The following OLA1 variants were observed in gnomAD, a reference collection of about 807,000 sequenced individuals.
OLA1 encodes the protein Obg like ATPase 1, also known as obg-like ATPase 1.
Under a neutral mutation model 48.4 loss-of-function variants are expected in OLA1, and 14 were observed. The observed-to-expected ratio is 0.29, with a 90% CI of 0.19 to 0.45. The LOEUF is 0.45. Among genes scored for constraint, OLA1 ranks in the 20% least tolerant of loss-of-function variants. The pLI is 1.00. For synonymous variants in OLA1, 127 were observed against 150.4 expected (o/e 0.84, Z 1.14); for missense variants, 325 against 467.1 (o/e 0.70, Z 2.80).
chr2:174,169,713 T>A (rs1200384058), intron 4 of OLA1, among the ~76,000 whole-genome samples: 1 of 152,148 alleles, frequency 6.6e-6, no homozygotes, highest in Non-Finnish European at 1.5e-5. Context: ...AACCTCAGAT[T>A]CTCAGAAAGA....
At chr2:174,109,324 T>C (rs538442799) in intron 7 of OLA1, among the ~76,000 whole-genome samples, 1 of 152,190 alleles carries the variant, frequency 6.6e-6, no homozygotes, top group Non-Finnish European at 1.5e-5. Context: ...ATGCAAAATG[T>C]CCAAGATATA....
intron 2 of OLA1, among the ~76,000 whole-genome samples, chr2:174,231,257 G>T (rs1197851221): frequency 2.0e-5 from 3 of 152,168 alleles, no homozygotes; most frequent in Non-Finnish European, 4.4e-5. Context: ...AAAATGTAAT[G>T]AAAATATTGT....
In OLA1 at chr2:174,083,952, A is replaced by C. The variant is rs144213960; in HGVS notation, c.729-1888T>G. Among the ~76,000 whole-genome samples the C allele has an allele frequency of 6.4e-4, 98 of 152,344 alleles. 1 individual carries two copies. In the East Asian group the frequency reaches 0.016, roughly 25 times the overall value. Reference sequence around the variant, plus strand: ...AGCTAACACATCAATTCAGAATAACAATAGTCCTACCCTGTCATTTTAACA... The same window carrying C: ...AGCTAACACATCAATTCAGAATAACCATAGTCCTACCCTGTCATTTTAACA... On this transcript the variant is annotated intron_variant, in intron 7 of 10. Transcript: ENST00000284719.
rs559081054 is a variant in OLA1 at position 174,197,517 on chromosome 2, C to G, written c.373+25516G>C. ...AACATAGGTACTCGCTCTCCCACCC[C>G]CAACTCCAATGAAGCCCAGGGGGGA... On this transcript the variant is annotated intron_variant, in intron 4 of 10. Transcript: ENST00000284719. 5.3e-5 allele frequency among the ~76,000 whole-genome samples: 8 copies of G among 152,212 alleles called. No homozygotes were observed. The South Asian group carries it at 1.7e-3, about 32-fold the overall frequency.
intron 7 of OLA1, among the ~76,000 whole-genome samples, chr2:174,095,389 T>C (rs1558950966): frequency 7.2e-6 from 1 of 139,230 alleles, no homozygotes; most frequent in Admixed American, 8.0e-5. Context: ...CCAATGGGTG[T>C]GGGATGATGT....
At position 174,229,453 on chromosome 2, in the gene OLA1, T is replaced by C; in HGVS notation, c.102-2A>G. The C allele has an allele frequency of 6.2e-7, 1 of 1,601,898 alleles. No homozygotes were observed. Among genetic ancestry groups the C allele is most frequent in the Non-Finnish European group, 8.5e-7 (1 of 1,176,040 alleles). On this transcript the variant is annotated splice_acceptor_variant, in intron 2 of 10. Transcript: ENST00000284719. LOFTEE classifies it high-confidence loss of function. ...AACACATTGAAGAAAGTAGATTTCC[T>C]AAAACAAATAAAAGCAATTTCAATC... is the stretch of plus-strand genomic sequence containing the variant.
chr2:174,106,777 T>C (rs1034058198), intron 7 of OLA1, among the ~76,000 whole-genome samples: 6 of 152,132 alleles, frequency 3.9e-5, no homozygotes, highest in African/African-American at 1.4e-4. Context: ...TATGCACTGG[T>C]GCATCAACTA....
chr2:174,213,565 T>C (rs545884001), intron 4 of OLA1, among the ~76,000 whole-genome samples: 1 of 152,128 alleles, frequency 6.6e-6, no homozygotes, highest in South Asian at 2.1e-4. Flanking sequence ...AATCCAGCAA[T>C]AGTAAGTTAT....
At chr2:174,232,986 A>G (rs1688766230) in intron 2 of OLA1, among the ~76,000 whole-genome samples, 1 of 152,218 alleles carries the variant, frequency 6.6e-6, no homozygotes, top group Non-Finnish European at 1.5e-5. Flanking sequence ...GATAAAGAAA[A>G]TGTTATCTAC....
intron 7 of OLA1, among the ~76,000 whole-genome samples, chr2:174,110,537 T>C (rs1685625097): frequency 6.6e-6 from 1 of 151,926 alleles, no homozygotes; most frequent in Non-Finnish European, 1.5e-5. Context: ...CTCGAATTCC[T>C]GGGCTCAAGC....
At chr2:174,077,398 A>G (rs940846031) in intron 10 of OLA1, among the ~76,000 whole-genome samples, 4 of 152,140 alleles carry the variant, frequency 2.6e-5, no homozygotes, top group South Asian at 2.1e-4. Context: ...TCTCAAATCT[A>G]AAACCTACTT....
intron 7 of OLA1, among the ~76,000 whole-genome samples, chr2:174,090,979 C>T (rs993294765): frequency 6.6e-6 from 1 of 152,176 alleles, no homozygotes; most frequent in Admixed American, 6.5e-5. Context: ...TAATATTGCC[C>T]ATAGTTTTCT....
At position 174,184,843 on chromosome 2, in the gene OLA1, C is replaced by T. The variant is rs573757723; in HGVS notation, c.373+38190G>A. ...GTTAAACAAGAAAAACAAGTTTAAG[C>T]ATCATATGCATAATATGTTCTCAAG... On this transcript the variant is annotated intron_variant, in intron 4 of 10. Coordinates refer to ENST00000284719, the MANE Select transcript of OLA1 (RefSeq NM_013341.5). 3.6e-4 allele frequency among the ~76,000 whole-genome samples: 55 copies of T among 152,138 alleles called. 1 individual carries two copies. In the South Asian group the frequency reaches 0.011, roughly 30 times the overall value.
chr2:174,115,552 A>C (rs1328330984), intron 7 of OLA1, among the ~76,000 whole-genome samples: 1 of 152,258 alleles, frequency 6.6e-6, no homozygotes, highest in Non-Finnish European at 1.5e-5. Flanking sequence ...TATGTACTTA[A>C]ATAAAAACAT....
At chr2:174,197,486 G>T (rs1333141995) in intron 4 of OLA1, among the ~76,000 whole-genome samples, 1 of 151,724 alleles carries the variant, frequency 6.6e-6, no homozygotes, top group Non-Finnish European at 1.5e-5. Context: ...AACTTCAAAA[G>T]TCTGAAACAT....
chr2:174,098,629 A>G (rs1685313902), intron 7 of OLA1, among the ~76,000 whole-genome samples: 1 of 152,222 alleles, frequency 6.6e-6, no homozygotes, highest in African/African-American at 2.4e-5. Flanking sequence ...GGGGCCAGAC[A>G]AGGGGGATAC....
intron 4 of OLA1, among the ~76,000 whole-genome samples, chr2:174,144,949 AAAAT>A (rs1241469355): frequency 0.012 from 695 of 57,006 alleles, 6 homozygotes; most frequent in Non-Finnish European, 0.016. Flanking sequence ...AAAAAAAAAA[AAAAT>A]ATATATATAT....
intron 7 of OLA1, among the ~76,000 whole-genome samples, chr2:174,094,798 C>T (rs945370012): frequency 1.1e-4 from 17 of 152,130 alleles, no homozygotes; most frequent in African/African-American, 4.1e-4. Context: ...ACTCTATAGC[C>T]ATTGAATAAC....
intron 3 of OLA1, among the ~76,000 whole-genome samples, chr2:174,226,067 C>T (rs1048814538): frequency 9.9e-6 from 1 of 101,374 alleles, no homozygotes; most frequent in Non-Finnish European, 2.0e-5. Flanking sequence ...GGCGTAGTGG[C>T]GGGCGCCTGT....
Sources: gnomAD v4.1 joint callset for allele counts (sites outside exome capture counted in the v4.1 genomes callset) on GRCh38, gnomAD v4.1.1 for gene constraint, MANE v1.5 for transcripts, NCBI Gene and HGNC (gene_info 2026-07-23, HGNC 2026-07-21) for gene names.